The following NTNG2 variants were observed in gnomAD, a reference collection of about 807,000 sequenced individuals.
NTNG2 encodes netrin-G2.
In NTNG2, 15 loss-of-function variants were observed where a neutral mutation model predicts 47.6. That is an observed-to-expected ratio of 0.32 (90% CI 0.21 to 0.49). The LOEUF is 0.49. NTNG2 is among the 20% of genes least tolerant of loss of function. NTNG2 has a pLI of 0.99. For missense variants in NTNG2, 578 were observed against 764.6 expected, an observed-to-expected ratio of 0.76 and a Z score of 2.88; for synonymous variants, 307 against 324.6, an observed-to-expected ratio of 0.95 and a Z score of 0.58.
intron 3 of NTNG2, among the ~76,000 whole-genome samples, chr9:132,207,367 G>T (rs977273740): frequency 6.6e-6 from 1 of 152,116 alleles, no homozygotes; most frequent in Non-Finnish European, 1.5e-5. Flanking sequence ...TCCGCCCTCC[G>T]CTCGCTCCTG....
At chr9:132,167,908 G>T (rs1589354513) in intron 2 of NTNG2, among the ~76,000 whole-genome samples, 1 of 152,220 alleles carries the variant, frequency 6.6e-6, no homozygotes, top group East Asian at 1.9e-4. Flanking sequence ...TCAGGGGAGG[G>T]CTCTGGCCCA....
intron 2 of NTNG2, among the ~76,000 whole-genome samples, chr9:132,185,687 C>T (rs553517718): frequency 2.0e-5 from 3 of 152,072 alleles, no homozygotes; most frequent in African/African-American, 4.8e-5. Flanking sequence ...CTCTCCCGTT[C>T]TTTCATCCTT....
chr9:132,207,243 T>C (rs1037418182), intron 3 of NTNG2, among the ~76,000 whole-genome samples: 5 of 152,334 alleles, frequency 3.3e-5, no homozygotes, highest in Admixed American at 2.0e-4. Context: ...ACTGCCTTGG[T>C]TTCTTGGAGC....
intron 2 of NTNG2, among the ~76,000 whole-genome samples, chr9:132,178,592 C>T (rs946202890): frequency 2.6e-5 from 4 of 151,818 alleles, no homozygotes; most frequent in East Asian, 1.9e-4. Flanking sequence ...CCCCAGGCCC[C>T]GAGTTCCCCA....
chr9:132,162,216 G>T lies in NTNG2; in HGVS notation c.-507G>T, dbSNP rs888761999. 2.0e-5 allele frequency: 3 copies of T among 152,478 alleles called. No homozygotes were observed. Among genetic ancestry groups the T allele is most frequent in the Non-Finnish European group, 4.4e-5 (3 of 67,970 alleles). The allele number at this position is 152,478 out of a possible 1,614,324, so 9.4% of individuals were successfully genotyped here. ...GTCCTCGGCCCTCCCAGGTCTCCGC[G>T]CCGGGAAGCCGCTCCGAGCCGGGGT... On this transcript the variant is annotated 5_prime_UTR_variant, in exon 1 of 8. Transcript: ENST00000393229. This position sits in a 1 kb window ranked among gnomAD's most constrained non-coding sequence, Gnocchi z 4.6.
rs958032696 is a variant in NTNG2 at position 132,221,620 on chromosome 9, GA to G, written c.858-5228del. On this transcript the variant is annotated intron_variant, in intron 3 of 7. Coordinates refer to ENST00000393229, the MANE Select transcript of NTNG2 (RefSeq NM_032536.4). The surrounding 1 kb of genome is among the most constrained non-coding windows in gnomAD (Gnocchi z 4.2). Reference sequence around the variant, plus strand: ...GTGCTTGTTCTGGGGCTCAGCCAGCGAGTTGAAGAGGCCGGGACATCTTCTC... The same window carrying G: ...GTGCTTGTTCTGGGGCTCAGCCAGCGGTTGAAGAGGCCGGGACATCTTCTC... Among the ~76,000 whole-genome samples, 1 of 152,190 alleles carries G rather than the reference GA, an allele frequency of 6.6e-6. No individual in the cohort carries two copies. Among genetic ancestry groups the G allele is most frequent in the Non-Finnish European group, 1.5e-5 (1 of 68,030 alleles).
In NTNG2 at chr9:132,215,094, C is replaced by CT. The variant is rs1288140618; in HGVS notation, c.858-11752dup. ...GTAGAGATTGGGGGGGGGGGTCTCA[C>CT]TTTCTTGCCCAGGCTGGTCTCAAAC... On this transcript the variant is annotated intron_variant, in intron 3 of 7. Transcript: ENST00000393229. The surrounding 1 kb of genome is among the most constrained non-coding windows in gnomAD (Gnocchi z 4.2). 6.6e-6 allele frequency among the ~76,000 whole-genome samples: 1 copy of CT among 150,492 alleles called. No homozygotes were observed. The highest frequency in any genetic ancestry group is 2.5e-5 in the African/African-American group (1 of 40,738).
intron 3 of NTNG2, among the ~76,000 whole-genome samples, chr9:132,217,041 CTGTG>C (rs1840040073): frequency 6.6e-6 from 1 of 152,188 alleles, no homozygotes; most frequent in African/African-American, 2.4e-5. Context: ...CAGCAGGTGG[CTGTG>C]AGATCCAGCT....
In NTNG2 at chr9:132,218,786, C is replaced by T. The variant is rs918056276; in HGVS notation, c.858-8063C>T. ...TGCTGGGATTACAGGCGTGAGCCAA[C>T]GCGCCCGGCCCCAATGTGATAGGTT... On this transcript the variant is annotated intron_variant, in intron 3 of 7. Transcript: ENST00000393229. The surrounding 1 kb of genome is among the most constrained non-coding windows in gnomAD (Gnocchi z 5.4). Among the ~76,000 whole-genome samples, 4 of 152,268 alleles carry T rather than the reference C, an allele frequency of 2.6e-5. No individual in the cohort carries two copies. The highest frequency in any genetic ancestry group is 1.9e-4 in the East Asian group (1 of 5,166).
At position 132,163,496 on chromosome 9, in the gene NTNG2, G is replaced by T. The variant is rs1835247672; in HGVS notation, c.-484+1257G>T. Among the ~76,000 whole-genome samples, 1 of 152,126 alleles carries T rather than the reference G, an allele frequency of 6.6e-6. No homozygotes were observed. Among genetic ancestry groups the T allele is most frequent in the Non-Finnish European group, 1.5e-5 (1 of 67,980 alleles). ...CCCGCTGGACCCCGCCCGGGGCAGAGGACGGGAAGGTGACCCCGCCGGCCA... is the reference window on the plus strand; with the variant it reads ...CCCGCTGGACCCCGCCCGGGGCAGATGACGGGAAGGTGACCCCGCCGGCCA... On this transcript the variant is annotated intron_variant, in intron 1 of 7. Transcript: ENST00000393229. The surrounding 1 kb of genome is among the most constrained non-coding windows in gnomAD (Gnocchi z 7.2).
rs1368478317 is a variant in NTNG2, at chr9:132,162,210, C to G, written c.-513C>G. ...GTGGCGGTCCTCGGCCCTCCCAGGTCTCCGCGCCGGGAAGCCGCTCCGAGC... is the reference window on the plus strand; with the variant it reads ...GTGGCGGTCCTCGGCCCTCCCAGGTGTCCGCGCCGGGAAGCCGCTCCGAGC... On this transcript the variant is annotated 5_prime_UTR_variant, in exon 1 of 8. Transcript: ENST00000393229. This position sits in a 1 kb window ranked among gnomAD's most constrained non-coding sequence, Gnocchi z 4.6. The G allele has an allele frequency of 6.6e-6, 1 of 152,580 alleles. No homozygotes were observed. Among genetic ancestry groups the G allele is most frequent in the Non-Finnish European group, 1.5e-5 (1 of 67,980 alleles). The allele number at this position is 152,580 out of a possible 1,614,324, so 9.5% of individuals were successfully genotyped here. A position where few individuals can be genotyped will look rare whatever the true frequency, so the allele number is the denominator to read the frequency against.
At chr9:132,216,005 A>G (rs1305035529) in intron 3 of NTNG2, among the ~76,000 whole-genome samples, 1 of 152,094 alleles carries the variant, frequency 6.6e-6, no homozygotes, top group Non-Finnish European at 1.5e-5. Context: ...GTCCTGCCAC[A>G]TGGAAACAGC....
At position 132,198,011 on chromosome 9, in the gene NTNG2, G is replaced by A; in HGVS notation, c.259G>A (p.Asp87Asn). 1.2e-6 allele frequency: 2 copies of A among 1,613,512 alleles called. No homozygotes were observed. Among genetic ancestry groups the A allele is most frequent in the Non-Finnish European group, 1.7e-6 (2 of 1,180,006 alleles). Residue 87 changes from aspartate to asparagine, a missense_variant, in exon 3 of 8, where the codon GAC becomes AAC. Physicochemically the swap from Asp to Asn is conservative, Grantham distance 23. Coordinates refer to ENST00000393229, the MANE Select transcript of NTNG2 (RefSeq NM_032536.4). ...CSNECDASNP[D>N]LAHPPRLMFD... Reference sequence around the variant, plus strand: ...CAACGAGTGTGACGCCTCCAACCCGGACCTGGCCCACCCGCCCAGGCTCAT... The same window carrying A: ...CAACGAGTGTGACGCCTCCAACCCGAACCTGGCCCACCCGCCCAGGCTCAT...
chr9:132,163,621 G>A lies in NTNG2; in HGVS notation c.-484+1382G>A, dbSNP rs948234256. Among the ~76,000 whole-genome samples, 55 of 152,182 alleles carry A rather than the reference G, an allele frequency of 3.6e-4. 2 individuals carry two copies. In the East Asian group the frequency reaches 0.01, roughly 28 times the overall value. ...GGAGGGAGAGGGAACCCCGGGGTGG[G>A]CTGAGTATCCCCCCTAGCCCCGGGA... On this transcript the variant is annotated intron_variant, in intron 1 of 7. Coordinates refer to ENST00000393229, the MANE Select transcript of NTNG2 (RefSeq NM_032536.4). The surrounding 1 kb of genome is among the most constrained non-coding windows in gnomAD (Gnocchi z 7.2).
In NTNG2 at chr9:132,231,842, CCTGG is replaced by C; in HGVS notation, c.1054+1248_1054+1251del. On this transcript the variant is annotated intron_variant, in intron 5 of 7. Coordinates refer to ENST00000393229, the MANE Select transcript of NTNG2 (RefSeq NM_032536.4). The surrounding 1 kb of genome is among the most constrained non-coding windows in gnomAD (Gnocchi z 4.1). Reference sequence around the variant, plus strand: ...TCATCCCACCCTCTCCTGCTTCTAGCCTGGGTCCCTGCCTCTCTTGGGGTGGGAG... The same window carrying C: ...TCATCCCACCCTCTCCTGCTTCTAGCGTCCCTGCCTCTCTTGGGGTGGGAG... 2 of 158,106 alleles carry C rather than the reference CCTGG, an allele frequency of 1.3e-5. No homozygotes were observed. The highest frequency in any genetic ancestry group is 6.0e-5 in the Admixed American group (1 of 16,552). The allele number at this position is 158,106 out of a possible 1,614,324, so 9.8% of individuals were successfully genotyped here.
intron 3 of NTNG2, among the ~76,000 whole-genome samples, chr9:132,224,020 A>G (rs114669299): frequency 6.6e-6 from 1 of 151,484 alleles, no homozygotes; most frequent in African/African-American, 2.4e-5. Context: ...TGGCCCGGCA[A>G]CTCTTGATCC....
intron 4 of NTNG2, among the ~76,000 whole-genome samples, chr9:132,229,620 G>A (rs1841046000): frequency 6.6e-6 from 1 of 152,200 alleles, no homozygotes; most frequent in African/African-American, 2.4e-5. Context: ...TACTGTGGCT[G>A]CACCCCGAGG....
At chr9:132,178,733 G>C (rs1374733739) in intron 2 of NTNG2, among the ~76,000 whole-genome samples, 1 of 149,512 alleles carries the variant, frequency 6.7e-6, no homozygotes, top group East Asian at 2.0e-4. Flanking sequence ...CTGAGCTCAG[G>C]AGTTTGAAAC....
intron 2 of NTNG2, among the ~76,000 whole-genome samples, chr9:132,176,555 C>A (rs7851167): frequency 0.24 from 36,358 of 152,148 alleles, 4,840 homozygotes; most frequent in African/African-American, 0.36. Flanking sequence ...ATATGCCATC[C>A]TGTGGACACA....
Sources: allele counts gnomAD v4.1 joint callset (sites outside exome capture counted in the v4.1 genomes callset), GRCh38; gene constraint gnomAD v4.1.1; non-coding constraint Gnocchi (gnomAD v3.1); transcripts MANE v1.5; gene names NCBI Gene and HGNC (gene_info 2026-07-23, HGNC 2026-07-21).